NCALD: variants seen among roughly 807,000 people sequenced by gnomAD.
NCALD encodes the protein neurocalcin delta, also known as neurocalcin-delta.
NCALD carries 10 observed loss-of-function variants against 18.6 expected under a neutral mutation model. The observed-to-expected ratio is 0.54, with a 90% confidence interval of 0.33 to 0.91. NCALD has a LOEUF of 0.91. Ranked by LOEUF, NCALD falls within the 40% of genes least tolerant of loss-of-function variation. The pLI is 0.03. For synonymous variants in NCALD, 88 were observed against 87.4 expected (o/e 1.01, Z -0.04); for missense variants, 184 against 247.6 (o/e 0.74, Z 1.72).
intron 2 of NCALD, among the ~76,000 whole-genome samples, chr8:101,696,639 G>A (rs979359214): frequency 6.6e-5 from 10 of 152,238 alleles, no homozygotes; most frequent in African/African-American, 1.9e-4. Context: ...TTTCTCCAAC[G>A]AGCAACAAAA....
intron 3 of NCALD, 63 bp downstream of exon 3, chr8:101,692,728 T>C: frequency 6.6e-7 from 1 of 1,510,864 alleles, no homozygotes; most frequent in Non-Finnish European, 9.2e-7. Flanking sequence ...CTTCCCAGTC[T>C]GGACTCTCCA....
At chr8:101,828,178 C>T (rs1814018181) in intron 4 of NCALD, among the ~76,000 whole-genome samples, 2 of 152,134 alleles carry the variant, frequency 1.3e-5, no homozygotes, top group African/African-American at 4.8e-5. Flanking sequence ...CATAACGCAG[C>T]CAGAACAACC....
intron 1 of NCALD, among the ~76,000 whole-genome samples, chr8:101,784,639 T>TA (rs917691449): frequency 1.2e-4 from 18 of 151,444 alleles, no homozygotes; most frequent in African/African-American, 4.4e-4. Context: ...TCTATAAAAA[T>TA]AAAAACAAAA....
intron 4 of NCALD, among the ~76,000 whole-genome samples, chr8:101,829,942 G>T (rs1281953306): frequency 6.9e-6 from 1 of 145,262 alleles, no homozygotes; most frequent in East Asian, 2.0e-4. Context: ...ATTTTTAATA[G>T]CATCAGGAAG....
intron 2 of NCALD, among the ~76,000 whole-genome samples, chr8:101,699,080 A>AG (rs1586233650): frequency 1.9e-3 from 1 of 532 alleles, no homozygotes; most frequent in East Asian, 9.6e-3. Context: ...ATTTTACAGG[A>AG]AAAAAAAAAC....
chr8:102,121,320 G>A (rs1258264060), intron 1 of NCALD, among the ~76,000 whole-genome samples: 1 of 152,106 alleles, frequency 6.6e-6, no homozygotes, highest in African/African-American at 2.4e-5. Context: ...GCCAGACTCT[G>A]GGGCTGCCTC....
chr8:101,691,845 A>C, intron 3 of NCALD: 1 of 985,438 alleles, frequency 1.0e-6, no homozygotes, highest in Non-Finnish European at 1.2e-6. Flanking sequence ...TGGGGGACCC[A>C]AGTGCCTGTG....
At chr8:101,913,970 C>T (rs935348063) in intron 3 of NCALD, among the ~76,000 whole-genome samples, 1 of 152,168 alleles carries the variant, frequency 6.6e-6, no homozygotes, top group African/African-American at 2.4e-5. Context: ...CTTGTATACC[C>T]CATACCCAGT....
chr8:101,961,250 A>G (rs977388397), intron 2 of NCALD, among the ~76,000 whole-genome samples: 74 of 152,328 alleles, frequency 4.9e-4, no homozygotes, highest in Non-Finnish European at 5.9e-5. Context: ...TCTGGTAGAT[A>G]ATAAGTCAAT....
intron 1 of NCALD, among the ~76,000 whole-genome samples, chr8:102,067,672 G>C (rs1359052330): frequency 3.9e-5 from 6 of 152,182 alleles, no homozygotes. Context: ...AGCCTCAGCA[G>C]TATCATTTAT....
intron 1 of NCALD, among the ~76,000 whole-genome samples, chr8:101,756,303 C>T (rs1478343914): frequency 6.6e-6 from 1 of 152,176 alleles, no homozygotes; most frequent in Non-Finnish European, 1.5e-5. Context: ...GGACTTCACT[C>T]AGCACAACTG....
In NCALD at chr8:101,914,699, T is replaced by C. The variant is rs1817918911; in HGVS notation, c.-107+1110A>G. Reference sequence around the variant, plus strand: ...TGCTCAAATTTTCCATCTTTGGACATTGAAAGTACTTTCGATTGGGTCCTG... The same window carrying C: ...TGCTCAAATTTTCCATCTTTGGACACTGAAAGTACTTTCGATTGGGTCCTG... On this transcript the variant is annotated intron_variant, in intron 3 of 6. Coordinates refer to the NCALD transcript ENST00000311028. Among the ~76,000 whole-genome samples the C allele has an allele frequency of 1.3e-5, 2 of 152,254 alleles. 1 individual carries two copies. Among genetic ancestry groups the C allele is most frequent in the South Asian group, 4.1e-4 (2 of 4,836 alleles).
In NCALD at chr8:101,934,878, A is replaced by T. The variant is rs531413263; in HGVS notation, c.-156-19020T>A. On this transcript the variant is annotated intron_variant, in intron 2 of 6. Coordinates refer to the NCALD transcript ENST00000311028. ...TAAGATTTAAATACACAAAGAGAATATAAGAATCAACTTGGGCCATCCTCC... is the reference window on the plus strand; with the variant it reads ...TAAGATTTAAATACACAAAGAGAATTTAAGAATCAACTTGGGCCATCCTCC... 3.7e-4 allele frequency among the ~76,000 whole-genome samples: 56 copies of T among 152,296 alleles called. No homozygotes were observed. In the South Asian group the frequency reaches 0.011, roughly 30 times the overall value.
chr8:101,696,413 G>T (rs1814994278), intron 2 of NCALD, among the ~76,000 whole-genome samples: 1 of 152,146 alleles, frequency 6.6e-6, no homozygotes, highest in Admixed American at 6.5e-5. Context: ...TTGCCAGGAG[G>T]GTTAGGGTAG....
intron 3 of NCALD, among the ~76,000 whole-genome samples, chr8:101,897,357 G>C (rs935862388): frequency 7.2e-6 from 1 of 139,108 alleles, no homozygotes; most frequent in Non-Finnish European, 1.5e-5. Context: ...CACACTCTGG[G>C]GACTGTGGTG....
upstream of NCALD, among the ~76,000 whole-genome samples, chr8:101,792,913 C>T (rs1459965831): frequency 6.6e-6 from 1 of 151,110 alleles, no homozygotes; most frequent in Non-Finnish European, 1.5e-5. Context: ...AAAAAAAATG[C>T]CTAAAATTCA....
At chr8:101,713,057 T>C (rs899322413) in intron 2 of NCALD, among the ~76,000 whole-genome samples, 3 of 151,966 alleles carry the variant, frequency 2.0e-5, no homozygotes, top group African/African-American at 7.3e-5. Context: ...TAAAAAAGAA[T>C]GGAAATCATA....
intron 4 of NCALD, among the ~76,000 whole-genome samples, chr8:101,834,001 G>T (rs1337412678): frequency 6.6e-6 from 1 of 152,140 alleles, no homozygotes; most frequent in Non-Finnish European, 1.5e-5. Flanking sequence ...TGGGACAGAT[G>T]ATCATTGTTT....
At chr8:101,794,267 A>G (rs1318727721), upstream of NCALD, among the ~76,000 whole-genome samples, 1 of 152,202 alleles carries the variant, frequency 6.6e-6, no homozygotes, top group Non-Finnish European at 1.5e-5. Flanking sequence ...GTACAACACT[A>G]CAGTTAGCAC....
Sources: allele counts gnomAD v4.1 joint callset (sites outside exome capture counted in the v4.1 genomes callset), GRCh38; gene constraint gnomAD v4.1.1; transcripts MANE v1.5; gene names NCBI Gene and HGNC (gene_info 2026-07-23, HGNC 2026-07-21).